Variants in SIN3B observed in about 807,000 individuals in gnomAD.
SIN3B encodes paired amphipathic helix protein Sin3b.
In SIN3B, 19 loss-of-function variants were observed where a neutral mutation model predicts 120.2. That is an observed-to-expected ratio of 0.16 (90% CI 0.11 to 0.23). SIN3B has a LOEUF of 0.23. Among genes scored for constraint, SIN3B ranks in the 10% least tolerant of loss-of-function variants. SIN3B has a pLI of 1.00. For missense variants in SIN3B, 1,073 were observed against 1,573.0 expected (o/e 0.68, Z 5.38); for synonymous variants, 654 against 653.2 (o/e 1.00, Z -0.02).
chr19:16,854,202 C>T lies in SIN3B; in HGVS notation c.999C>T (p.Leu333=). ...VYENFLRCIA[L]FNQELVSGSE... is the part of the protein sequence containing the mutation. ...AAAACTTCCTCCGCTGCATCGCACTCTTCAACCAGGAGCTGGTGTCTGGCT... is the reference window on the plus strand; with the variant it reads ...AAAACTTCCTCCGCTGCATCGCACTTTTCAACCAGGAGCTGGTGTCTGGCT... The change falls in exon 8 of 19, where the codon CTC becomes CTT. Residue 333 remains leucine (L), a synonymous_variant. Transcript: ENST00000248054. 6.2e-7 allele frequency: 1 copy of T among 1,613,128 alleles called. No individual in the cohort carries two copies.
rs1971721277 is a variant in SIN3B at position 16,863,727 on chromosome 19, C to G, written c.1314C>G (p.Ser438=). 2.5e-6 allele frequency: 4 copies of G among 1,614,194 alleles called. No individual in the cohort carries two copies. The highest frequency in any genetic ancestry group is 3.4e-6 in the Non-Finnish European group (4 of 1,180,024). The change falls in exon 10 of 19, where the codon TCC becomes TCG. Residue 438 remains serine, a synonymous_variant. Transcript: ENST00000248054. Reference sequence around the variant, plus strand: ...CCTTCCCTTCCTGGTCTGAGGACTCCACGTTCGTCAGCTCCAAGAAGACAC... The same window carrying G: ...CCTTCCCTTCCTGGTCTGAGGACTCGACGTTCGTCAGCTCCAAGAAGACAC... The part of the protein sequence containing the change: ...WVSFPSWSED[S]TFVSSKKTPY...
intron 10 of SIN3B, 69 bp from the exon 11 acceptor site, chr19:16,865,341 T>A: frequency 1.5e-6 from 1 of 650,788 alleles, no homozygotes; most frequent in Non-Finnish European, 2.5e-6. Flanking sequence ...GTCTCTGAGG[T>A]CCCAGGCTCC....
intron 17 of SIN3B, among the ~76,000 whole-genome samples, chr19:16,877,875 G>A (rs1599620393): frequency 6.6e-6 from 1 of 152,220 alleles, no homozygotes; most frequent in Non-Finnish European, 1.5e-5. Flanking sequence ...GCGTCAGTGG[G>A]TGAAGAGTGA....
At chr19:16,834,634 G>A (rs763294449) in intron 3 of SIN3B, among the ~76,000 whole-genome samples, 3 of 152,282 alleles carry the variant, frequency 2.0e-5, no homozygotes, top group Non-Finnish European at 4.4e-5. Context: ...AGGTGTAGAA[G>A]TTTGTTCTCT....
chr19:16,832,675 A>C (rs999918526), intron 3 of SIN3B, among the ~76,000 whole-genome samples: 1 of 150,690 alleles, frequency 6.6e-6, no homozygotes, highest in African/African-American at 2.4e-5. Context: ...TAATTTATTT[A>C]TTTTTTTTGT....
At chr19:16,858,574 G>T (rs900569087) in intron 8 of SIN3B, among the ~76,000 whole-genome samples, 7 of 152,040 alleles carry the variant, frequency 4.6e-5, no homozygotes, top group Non-Finnish European at 1.5e-5. Context: ...CCTTTTAAAG[G>T]TGAGGGGCCA....
chr19:16,844,484 A>T lies in SIN3B; in HGVS notation c.583-2486A>T, dbSNP rs550109042. Reference sequence around the variant, plus strand: ...ACCAGTTCAGGCACAAGCCTGCCTCAGGTCACCCCTGGGTAACTGTCACCC... The same window carrying T: ...ACCAGTTCAGGCACAAGCCTGCCTCTGGTCACCCCTGGGTAACTGTCACCC... On this transcript the variant is annotated intron_variant, in intron 4 of 18. Coordinates refer to ENST00000248054, the MANE Select transcript of SIN3B (RefSeq NM_001297595.2). Among the ~76,000 whole-genome samples the T allele has an allele frequency of 6.6e-5, 10 of 152,338 alleles. No homozygotes were observed. In the South Asian group the frequency reaches 2.1e-3, roughly 32 times the overall value.
chr19:16,876,999 C>T lies in SIN3B; in HGVS notation c.2859+421C>T, dbSNP rs528755150. 3 of 198,458 alleles carry T rather than the reference C, an allele frequency of 1.5e-5. No individual in the cohort carries two copies. In the East Asian group the frequency reaches 4.2e-4, roughly 28 times the overall value. 12.3% of individuals were successfully genotyped at this position (198,458 alleles called of 1,614,324 possible). On this transcript the variant is annotated intron_variant, in intron 16 of 18. Coordinates refer to ENST00000248054, the MANE Select transcript of SIN3B (RefSeq NM_001297595.2). The surrounding 1 kb of genome is among the most constrained non-coding windows in gnomAD (Gnocchi z 7.1). ...TTTGCGGGGACAGATGTTTCCTGCTCACCTCCCGCATCCTGGTGACAGTGA... is the reference window on the plus strand; with the variant it reads ...TTTGCGGGGACAGATGTTTCCTGCTTACCTCCCGCATCCTGGTGACAGTGA...
In SIN3B at chr19:16,870,001, G is replaced by A. The variant is rs768533260; in HGVS notation, c.2348G>A (p.Arg783Gln). The change falls in exon 13 of 19, where the codon CGG (arginine) becomes CAG (glutamine). Residue 783 changes from arginine (R) to glutamine (Q), a missense_variant. Transcript: ENST00000248054. ...QLLEYRTEKE[R>Q]EKLLCEGRRE... ...CTGGAGTATCGGACCGAGAAGGAGCGGGAGAAGCTGCTGTGTGAGGGCCGC... is the reference window on the plus strand; with the variant it reads ...CTGGAGTATCGGACCGAGAAGGAGCAGGAGAAGCTGCTGTGTGAGGGCCGC... The A allele has an allele frequency of 5.0e-6, 8 of 1,613,648 alleles. No individual in the cohort carries two copies. The highest frequency in any genetic ancestry group is 1.3e-5 in the African/African-American group (1 of 74,928).
At chr19:16,854,411 C>A (rs1346378192) in intron 8 of SIN3B, 150 bp downstream of exon 8, 1 of 601,554 alleles carries the variant, frequency 1.7e-6, no homozygotes, top group East Asian at 2.9e-5. Flanking sequence ...TATTGATTCC[C>A]ATGCATTTGT....
rs144970876 is a variant in SIN3B at position 16,855,122 on chromosome 19, G to A, written c.1058+861G>A. On this transcript the variant is annotated intron_variant, in intron 8 of 18. Coordinates refer to ENST00000248054, the MANE Select transcript of SIN3B (RefSeq NM_001297595.2). The stretch of plus-strand genomic sequence containing the variant: ...AACCCCCGTTCTTTCCAGACTCTCC[G>A]TGTTCCTCATACACGTCTGGTGTGT... The A allele has an allele frequency of 2.6e-5, 4 of 152,230 alleles. No individual in the cohort carries two copies. In the East Asian group the frequency reaches 5.8e-4, roughly 22 times the overall value. The allele number at this position is 152,230 out of a possible 1,614,324, so 9.4% of individuals were successfully genotyped here.
chr19:16,852,854 T>C (rs1971563295), intron 6 of SIN3B, among the ~76,000 whole-genome samples: 2 of 152,192 alleles, frequency 1.3e-5, no homozygotes, highest in Non-Finnish European at 2.9e-5. Context: ...CCTGCTGAGA[T>C]GGAGATCCCA....
In SIN3B at chr19:16,869,639, C is replaced by T. The variant is rs770828485; in HGVS notation, c.1986C>T (p.Phe662=). Reference sequence around the variant, plus strand: ...CCATCCACCAGCTGCTGCACCAGTTCGTGCCCAGCCTCTTCTTCTCTCAGC... The same window carrying T: ...CCATCCACCAGCTGCTGCACCAGTTTGTGCCCAGCCTCTTCTTCTCTCAGC... ...QGTIHQLLHQ[F]VPSLFFSQQL... Residue 662 remains phenylalanine, a synonymous_variant, in exon 13 of 19, where the codon TTC becomes TTT. Transcript: ENST00000248054. The T allele has an allele frequency of 6.2e-6, 10 of 1,613,470 alleles. No individual in the cohort carries two copies. The highest frequency in any genetic ancestry group is 4.5e-5 in the East Asian group (2 of 44,896).
chr19:16,875,741 T>TTGGTC (rs1187952573), intron 14 of SIN3B, among the ~76,000 whole-genome samples: 2 of 144,418 alleles, frequency 1.4e-5, no homozygotes, highest in African/African-American at 2.6e-5. Flanking sequence ...TCTGGTCGGT[T>TTGGTC]TGGTCTGGTC....
chr19:16,851,744 G>A (rs1971549104), intron 6 of SIN3B, among the ~76,000 whole-genome samples: 1 of 152,198 alleles, frequency 6.6e-6, no homozygotes, highest in Non-Finnish European at 1.5e-5. Context: ...AGATTGTTTT[G>A]AAAAGGAGGA....
At chr19:16,868,475 A>G (rs930781367) in intron 12 of SIN3B, among the ~76,000 whole-genome samples, 2 of 152,194 alleles carry the variant, frequency 1.3e-5, no homozygotes, top group Non-Finnish European at 2.9e-5. Flanking sequence ...GTGCCAGGAC[A>G]GTGGTGTGGG....
chr19:16,834,794 G>A (rs1251507554), intron 3 of SIN3B, among the ~76,000 whole-genome samples: 3 of 152,220 alleles, frequency 2.0e-5, no homozygotes, highest in African/African-American at 4.8e-5. Flanking sequence ...GCCATGACTC[G>A]CGTGGCTTCA....
Position 16,879,772 on chromosome 19 carries a change from G to A in SIN3B, c.*1045G>A, listed in dbSNP as rs2051670243. ...GCGACTGTCCCATGGAGGCATCCAA[G>A]GCTTTCTGTGCCAAGAATCCCAAGT... On this transcript the variant is annotated 3_prime_UTR_variant, in exon 19 of 19. Transcript: ENST00000248054. 6.6e-6 allele frequency: 1 copy of A among 152,344 alleles called. No homozygotes were observed. The highest frequency in any genetic ancestry group is 1.5e-5 in the Non-Finnish European group (1 of 68,232). The allele number at this position is 152,344 out of a possible 1,614,324, so 9.4% of individuals were successfully genotyped here.
At chr19:16,849,833 G>A (rs1362474831) in intron 5 of SIN3B, among the ~76,000 whole-genome samples, 1 of 152,024 alleles carries the variant, frequency 6.6e-6, no homozygotes, top group East Asian at 1.9e-4. Flanking sequence ...GCTCGTGCCT[G>A]TAATCCCAGC....
Sources: allele counts gnomAD v4.1 joint callset (sites outside exome capture counted in the v4.1 genomes callset), GRCh38; gene constraint gnomAD v4.1.1; non-coding constraint Gnocchi (gnomAD v3.1); transcripts MANE v1.5; gene names NCBI Gene and HGNC (gene_info 2026-07-23, HGNC 2026-07-21).